The following OLFM3 variants were observed in gnomAD, a reference collection of about 807,000 sequenced individuals.
OLFM3 encodes noelin-3.
In OLFM3, 20 loss-of-function variants were observed where a neutral mutation model predicts 48.6. The observed-to-expected ratio is 0.41, with a 90% CI of 0.29 to 0.60. The LOEUF is 0.60. OLFM3 is among the 20% of genes least tolerant of loss of function. The pLI is 0.28. For missense variants in OLFM3, 437 were observed against 544.3 expected (o/e 0.80, Z 1.96); for synonymous variants, 222 against 198.1 (o/e 1.12, Z -1.01).
At chr1:101,922,249 CTTA>C in intron 1 of OLFM3, among the ~76,000 whole-genome samples, 1 of 152,216 alleles carries the variant, frequency 6.6e-6, no homozygotes, top group South Asian at 2.1e-4. Context: ...TTATATGGTT[CTTA>C]TTATTACTAA....
chr1:101,995,503 TTAAAA>T (rs574946202), intron 1 of OLFM3, among the ~76,000 whole-genome samples: 56 of 152,246 alleles, frequency 3.7e-4, no homozygotes, highest in African/African-American at 1.3e-3. Flanking sequence ...AATCAAAGCT[TTAAAA>T]TAAAATGAAT....
At chr1:101,851,745 C>T (rs1350770023) in intron 1 of OLFM3, among the ~76,000 whole-genome samples, 1 of 152,118 alleles carries the variant, frequency 6.6e-6, no homozygotes, top group Non-Finnish European at 1.5e-5. Context: ...ACTTCCTCAC[C>T]TGTGCCCACA....
intron 1 of OLFM3, among the ~76,000 whole-genome samples, chr1:101,905,941 C>T (rs1658536537): frequency 6.6e-6 from 1 of 152,142 alleles, no homozygotes; most frequent in Non-Finnish European, 1.5e-5. Context: ...GGCTTCTTTT[C>T]TCTTTACTAT....
chr1:101,831,313 G>A (rs983355382), intron 2 of OLFM3, among the ~76,000 whole-genome samples: 2 of 152,108 alleles, frequency 1.3e-5, no homozygotes, highest in African/African-American at 4.8e-5. Flanking sequence ...AGTACTCCCA[G>A]GGGTGAGACT....
At chr1:101,825,755 T>A (rs1654832860) in intron 3 of OLFM3, among the ~76,000 whole-genome samples, 1 of 152,184 alleles carries the variant, frequency 6.6e-6, no homozygotes, top group Non-Finnish European at 1.5e-5. Flanking sequence ...TGGATCAGCT[T>A]TTTTCTGACA....
intron 1 of OLFM3, among the ~76,000 whole-genome samples, chr1:101,947,606 T>C (rs980086796): frequency 1.3e-5 from 2 of 152,264 alleles, no homozygotes; most frequent in Admixed American, 1.3e-4. Flanking sequence ...AGTAATTTTC[T>C]TAAAAAATAT....
At chr1:101,924,462 T>A (rs1337025676) in intron 1 of OLFM3, among the ~76,000 whole-genome samples, 1 of 152,180 alleles carries the variant, frequency 6.6e-6, no homozygotes, top group Non-Finnish European at 1.5e-5. Context: ...CAGAGTAATG[T>A]GTGTTCAACC....
At position 101,927,278 on chromosome 1, in the gene OLFM3, G is replaced by A. The variant is rs72731619; in HGVS notation, c.69+69470C>T. On this transcript the variant is annotated intron_variant, in intron 1 of 5. Transcript: ENST00000370103. ...CTAAAATGATTCTGACTTGTCTTTC[G>A]AATATTTTGAATGAAACAGAAAAGA... 9.5e-3 allele frequency among the ~76,000 whole-genome samples: 1,446 copies of A among 151,996 alleles called. 6 individuals are homozygous for A. The highest frequency in any genetic ancestry group is 0.022 in the South Asian group (107 of 4,814).
intron 1 of OLFM3, among the ~76,000 whole-genome samples, chr1:101,991,882 T>G (rs918627255): frequency 6.6e-6 from 1 of 151,460 alleles, no homozygotes; most frequent in African/African-American, 2.4e-5. Flanking sequence ...AGATGAAAAC[T>G]GCATGATACT....
At chr1:101,977,236 C>T (rs1307493154) in intron 1 of OLFM3, among the ~76,000 whole-genome samples, 1 of 152,094 alleles carries the variant, frequency 6.6e-6, no homozygotes, top group Admixed American at 6.6e-5. Context: ...TTCCCCATAG[C>T]AGTTGGAGAA....
At chr1:101,827,762 C>A (rs4908188) in intron 3 of OLFM3, among the ~76,000 whole-genome samples, 1 of 152,000 alleles carries the variant, frequency 6.6e-6, no homozygotes, top group East Asian at 1.9e-4. Flanking sequence ...ATTGGACTTT[C>A]TGAATTTGAA....
chr1:101,824,104 T>TTGTGTGTGTG (rs141570598), intron 4 of OLFM3, among the ~76,000 whole-genome samples: 142 of 150,060 alleles, frequency 9.5e-4, no homozygotes, highest in African/African-American at 3.3e-3. Context: ...AATTAATCTT[T>TTGTGTGTGTG]TGTGTGTGTG....
At chr1:101,940,557 A>G (rs1159703450) in intron 1 of OLFM3, among the ~76,000 whole-genome samples, 1 of 151,614 alleles carries the variant, frequency 6.6e-6, no homozygotes, top group Admixed American at 6.6e-5. Flanking sequence ...CTATCTATCT[A>G]TCATCTATCT....
intron 1 of OLFM3, among the ~76,000 whole-genome samples, chr1:101,952,317 G>A (rs1425495554): frequency 3.3e-5 from 5 of 152,002 alleles, no homozygotes; most frequent in Non-Finnish European, 5.9e-5. Context: ...TAGTTTCCTA[G>A]TACTGAATAC....
chr1:101,893,755 C>G (rs1015096820), intron 1 of OLFM3: 5 of 153,720 alleles, frequency 3.3e-5, no homozygotes, highest in African/African-American at 1.2e-4. Flanking sequence ...GAAGGCAGGC[C>G]AATTTATTGT....
rs1286800281 is a variant in OLFM3, at chr1:101,803,867, G to A, written c.*371C>T. On this transcript the variant is annotated 3_prime_UTR_variant, in exon 6 of 6. Transcript: ENST00000370103. ...AAATATTTCCTGATATGGAGCAAAA[G>A]ACAGTAAAAAATGACAGTTTTAAAA... 1 of 156,216 alleles carries A rather than the reference G, an allele frequency of 6.4e-6. No individual in the cohort carries two copies. The highest frequency in any genetic ancestry group is 1.4e-5 in the Non-Finnish European group (1 of 71,168). The allele number at this position is 156,216 out of a possible 1,614,324, so 9.7% of individuals were successfully genotyped here.
intron 4 of OLFM3, among the ~76,000 whole-genome samples, chr1:101,820,219 C>CAG (rs1396797520): frequency 6.6e-6 from 1 of 152,050 alleles, no homozygotes; most frequent in Non-Finnish European, 1.5e-5. Flanking sequence ...TCTAATCTTC[C>CAG]TTCTGTTAAA....
chr1:101,916,287 C>T (rs1303200065), intron 1 of OLFM3, among the ~76,000 whole-genome samples: 1 of 152,080 alleles, frequency 6.6e-6, no homozygotes, highest in African/African-American at 2.4e-5. Flanking sequence ...CCAGTGGTGG[C>T]ATAATAAATT....
intron 1 of OLFM3, among the ~76,000 whole-genome samples, chr1:101,891,913 C>T (rs759757804): frequency 3.3e-5 from 5 of 151,830 alleles, no homozygotes; most frequent in Non-Finnish European, 7.4e-5. Flanking sequence ...TTGAACATGG[C>T]CAATTTGATA....
Sources: allele counts gnomAD v4.1 joint callset (sites outside exome capture counted in the v4.1 genomes callset), GRCh38; gene constraint gnomAD v4.1.1; transcripts MANE v1.5; gene names NCBI Gene and HGNC (gene_info 2026-07-23, HGNC 2026-07-21).